EPHA6: variants seen among roughly 807,000 people sequenced by gnomAD.
The protein encoded by EPHA6 is EPH receptor A6.
Under a neutral mutation model 112.0 loss-of-function variants are expected in EPHA6, and 50 were observed. The ratio of observed to expected loss-of-function variants is 0.45; its 90% CI spans 0.36 to 0.56. The LOEUF is 0.56. EPHA6 is among the 20% of genes least tolerant of loss of function. The pLI, the probability that EPHA6 is intolerant of heterozygous loss-of-function variation, is 0.00. For missense variants in EPHA6, 1,280 were observed against 1,417.4 expected (o/e 0.90, Z 1.56); for synonymous variants, 529 against 490.7 (o/e 1.08, Z -1.03).
chr3:97,684,768 A>T (rs2032122718), intron 14 of EPHA6, among the ~76,000 whole-genome samples: 1 of 152,212 alleles, frequency 6.6e-6, no homozygotes, highest in Non-Finnish European at 1.5e-5. Context: ...AAGGGAGGGA[A>T]TCAGAAACCA....
At position 97,670,616 on chromosome 3, in the gene EPHA6, G is replaced by A. The variant is rs554809859; in HGVS notation, c.2784+32534G>A. 3.9e-5 allele frequency among the ~76,000 whole-genome samples: 6 copies of A among 152,202 alleles called. No individual in the cohort carries two copies. The South Asian group carries it at 1.0e-3, about 26-fold the overall frequency. ...CAGCTGTCTGGTTGTGCAACACATAGGGCCCAGATCACTCACTGTCAAGTA... is the reference window on the plus strand; with the variant it reads ...CAGCTGTCTGGTTGTGCAACACATAAGGCCCAGATCACTCACTGTCAAGTA... On this transcript the variant is annotated intron_variant, in intron 14 of 17. Transcript: ENST00000389672.
At chr3:96,966,508 T>C (rs2042125282) in intron 2 of EPHA6, among the ~76,000 whole-genome samples, 1 of 152,150 alleles carries the variant, frequency 6.6e-6, no homozygotes, top group Non-Finnish European at 1.5e-5. Flanking sequence ...TGCCTAGAGA[T>C]TTGGCGTAAT....
chr3:97,675,776 A>G (rs1312199126), intron 14 of EPHA6, among the ~76,000 whole-genome samples: 1 of 152,224 alleles, frequency 6.6e-6, no homozygotes, highest in Non-Finnish European at 1.5e-5. Context: ...CAAAAAATAG[A>G]CTATCATAGA....
intron 2 of EPHA6, among the ~76,000 whole-genome samples, chr3:96,928,149 A>G (rs896477732): frequency 6.6e-6 from 1 of 152,216 alleles, no homozygotes; most frequent in African/African-American, 2.4e-5. Flanking sequence ...ATTATAATTC[A>G]GATGAGATTT....
intron 3 of EPHA6, among the ~76,000 whole-genome samples, chr3:97,225,985 G>A (rs971223353): frequency 6.6e-6 from 1 of 152,132 alleles, no homozygotes; most frequent in Non-Finnish European, 1.5e-5. Flanking sequence ...GATATTTTGT[G>A]TGCACGTGCC....
intron 3 of EPHA6, among the ~76,000 whole-genome samples, chr3:97,161,009 T>TC (rs1353817055): frequency 6.6e-6 from 1 of 152,130 alleles, no homozygotes; most frequent in African/African-American, 2.4e-5. Flanking sequence ...GGAGTGGGGA[T>TC]CATGGGTATT....
In EPHA6 at chr3:96,985,872, C is replaced by T. The variant is rs1371804100; in HGVS notation, c.451-1458C>T. On this transcript the variant is annotated intron_variant, in intron 2 of 17. Transcript: ENST00000389672. ...TACTATACTAGTGAAACTCAACCAG[C>T]CTTGATTTAGTAACTCTCTATAGCC... is the stretch of plus-strand genomic sequence containing the variant. Among the ~76,000 whole-genome samples, 3 of 152,064 alleles carry T rather than the reference C, an allele frequency of 2.0e-5. No homozygotes were observed. In the East Asian group the frequency reaches 5.8e-4, roughly 29 times the overall value.
intron 2 of EPHA6, among the ~76,000 whole-genome samples, chr3:96,963,413 T>C (rs759019786): frequency 3.9e-5 from 6 of 152,172 alleles, no homozygotes; most frequent in Admixed American, 6.5e-5. Flanking sequence ...CTGGGACTTA[T>C]AGTCAAAACC....
At chr3:97,695,971 T>C (rs1434180192) in intron 14 of EPHA6, among the ~76,000 whole-genome samples, 1 of 152,248 alleles carries the variant, frequency 6.6e-6, no homozygotes, top group Non-Finnish European at 1.5e-5. Flanking sequence ...TTATAGAATC[T>C]TCTTTTGCAC....
intron 12 of EPHA6, among the ~76,000 whole-genome samples, chr3:97,598,494 C>A (rs1207182396): frequency 7.6e-5 from 11 of 145,152 alleles, no homozygotes; most frequent in Admixed American, 7.0e-4. Flanking sequence ...CAATTCCCAC[C>A]TATGAGTGAG....
intron 14 of EPHA6, among the ~76,000 whole-genome samples, chr3:97,647,400 G>A (rs978391416): frequency 2.0e-5 from 3 of 152,014 alleles, no homozygotes; most frequent in Admixed American, 6.6e-5. Context: ...TGTAAGCCCT[G>A]AACTAAAATA....
At chr3:96,872,282 G>C (rs2036670747) in intron 2 of EPHA6, among the ~76,000 whole-genome samples, 1 of 152,010 alleles carries the variant, frequency 6.6e-6, no homozygotes, top group African/African-American at 2.4e-5. Context: ...CCCTGTTGAA[G>C]CACATGTCAG....
intron 7 of EPHA6, among the ~76,000 whole-genome samples, chr3:97,474,992 T>C (rs1317107226): frequency 6.6e-6 from 1 of 152,094 alleles, no homozygotes; most frequent in Admixed American, 6.6e-5. Context: ...TATTGGCCAG[T>C]GTTTAAGAGG....
chr3:96,888,951 A>G (rs1030030035), intron 2 of EPHA6, among the ~76,000 whole-genome samples: 5 of 151,198 alleles, frequency 3.3e-5, no homozygotes, highest in Non-Finnish European at 7.4e-5. Context: ...CCCAAGTCAC[A>G]TCTTGAATGC....
At chr3:97,152,447 A>G (rs1018854873) in intron 3 of EPHA6, among the ~76,000 whole-genome samples, 1 of 149,338 alleles carries the variant, frequency 6.7e-6, no homozygotes, top group African/African-American at 2.4e-5. Flanking sequence ...TATATATTAA[A>G]TATTTTATAT....
In EPHA6 at chr3:97,572,918, G is replaced by T. The variant is rs566528383; in HGVS notation, c.2387-19694G>T. On this transcript the variant is annotated intron_variant, in intron 11 of 17. Transcript: ENST00000389672. ...ATTCAATATCAAACAGCTTGTAGGT[G>T]GCAAAGTCATGAGGCGGATTCATGT... Among the ~76,000 whole-genome samples, 10 of 152,288 alleles carry T rather than the reference G, an allele frequency of 6.6e-5. No homozygotes were observed. The South Asian group carries it at 1.9e-3, about 28-fold the overall frequency.
chr3:97,546,034 G>A (rs1451462111), intron 11 of EPHA6, among the ~76,000 whole-genome samples: 5 of 152,072 alleles, frequency 3.3e-5, no homozygotes, highest in Non-Finnish European at 5.9e-5. Context: ...GCCAGTCTGT[G>A]CTTTTAATTG....
At chr3:97,676,909 T>A (rs2031439931) in intron 14 of EPHA6, among the ~76,000 whole-genome samples, 1 of 152,142 alleles carries the variant, frequency 6.6e-6, no homozygotes, top group South Asian at 2.1e-4. Flanking sequence ...AAGGATAAGA[T>A]ACGGAATCAT....
intron 5 of EPHA6, among the ~76,000 whole-genome samples, chr3:97,379,539 A>C (rs1246471929): frequency 2.6e-5 from 4 of 151,656 alleles, no homozygotes; most frequent in Non-Finnish European, 4.4e-5. Context: ...TCATGAGGTC[A>C]GGAGTTTGAG....
Sources: allele counts gnomAD v4.1 joint callset (sites outside exome capture counted in the v4.1 genomes callset), GRCh38; gene constraint gnomAD v4.1.1; transcripts MANE v1.5; gene names NCBI Gene and HGNC (gene_info 2026-07-23, HGNC 2026-07-21).